PTK2: variants seen among roughly 807,000 people sequenced by gnomAD.
PTK2 encodes the protein protein tyrosine kinase 2.
PTK2 carries 45 observed loss-of-function variants against 150.1 expected under a neutral mutation model. That is an observed-to-expected ratio of 0.30 (90% CI 0.24 to 0.38). PTK2 has a LOEUF of 0.38. Among genes scored for constraint, PTK2 ranks in the 10% least tolerant of loss-of-function variants. PTK2 has a pLI of 1.00. For synonymous variants in PTK2, 432 were observed against 449.2 expected (o/e 0.96, Z 0.48); for missense variants, 919 against 1,307.3 (o/e 0.70, Z 4.58).
chr8:140,767,674 T>C (rs567840403), intron 14 of PTK2, among the ~76,000 whole-genome samples: 41 of 152,188 alleles, frequency 2.7e-4, no homozygotes, highest in Non-Finnish European at 4.9e-4. Context: ...TTTGTAGAGA[T>C]GAGGTTTTGC....
intron 4 of PTK2, among the ~76,000 whole-genome samples, chr8:140,866,552 G>A (rs1355175593): frequency 1.3e-5 from 2 of 152,152 alleles, no homozygotes; most frequent in Non-Finnish European, 2.9e-5. Context: ...ACTTCTCTGT[G>A]CCTCAATTTC....
At chr8:140,814,224 T>C (rs2100103350) in intron 10 of PTK2, among the ~76,000 whole-genome samples, 1 of 152,162 alleles carries the variant, frequency 6.6e-6, no homozygotes. Flanking sequence ...CTACCAGACG[T>C]ATACAGATGA....
At chr8:140,674,638 C>T (rs1228553617) in intron 28 of PTK2, among the ~76,000 whole-genome samples, 2 of 152,046 alleles carry the variant, frequency 1.3e-5, no homozygotes, top group Non-Finnish European at 2.9e-5. Context: ...ACTCAGGAGG[C>T]TGAGGCAGGA....
At chr8:140,793,438 G>T in intron 12 of PTK2, 54 bp from the exon 13 acceptor site, 4 of 1,583,378 alleles carry the variant, frequency 2.5e-6, no homozygotes, top group East Asian at 2.3e-5. Context: ...CTTTTGAAAA[G>T]ATGGTGCCTA....
At chr8:140,744,082 CTTTTT>C (rs5895647) in intron 19 of PTK2, among the ~76,000 whole-genome samples, 1 of 144,982 alleles carries the variant, frequency 6.9e-6, no homozygotes, top group Non-Finnish European at 1.5e-5. Flanking sequence ...CGGCCTATTT[CTTTTT>C]TTTTTTTTTG....
At chr8:140,838,410 C>T (rs1240893186) in intron 7 of PTK2, among the ~76,000 whole-genome samples, 1 of 152,238 alleles carries the variant, frequency 6.6e-6, no homozygotes, top group Non-Finnish European at 1.5e-5. Context: ...ATGCGAGTCC[C>T]TGCACATCCT....
At chr8:140,736,894 T>A (rs2100052897) in intron 21 of PTK2, among the ~76,000 whole-genome samples, 2 of 152,350 alleles carry the variant, frequency 1.3e-5, no homozygotes, top group African/African-American at 4.8e-5. Context: ...TATTTTTGCA[T>A]CTTTAGAACC....
intron 22 of PTK2, among the ~76,000 whole-genome samples, chr8:140,719,417 G>A (rs2100041536): frequency 6.6e-6 from 1 of 152,090 alleles, no homozygotes; most frequent in African/African-American, 2.4e-5. Context: ...AGGCCCAGGT[G>A]AGTCCTGGTG....
chr8:140,666,080 G>A (rs2091161019), intron 30 of PTK2, among the ~76,000 whole-genome samples: 1 of 152,232 alleles, frequency 6.6e-6, no homozygotes, highest in African/African-American at 2.4e-5. Flanking sequence ...GCTCATGCCT[G>A]TAATCCCAGG....
intron 26 of PTK2, among the ~76,000 whole-genome samples, chr8:140,688,631 G>A (rs28582918): frequency 0.011 from 1,737 of 152,204 alleles, 36 homozygotes; most frequent in African/African-American, 0.04. Flanking sequence ...GAGGTGGGGC[G>A]ATGGTTTGAG....
At chr8:140,856,416 T>A (rs569192429) in intron 5 of PTK2, among the ~76,000 whole-genome samples, 3 of 152,004 alleles carry the variant, frequency 2.0e-5, no homozygotes, top group Admixed American at 2.0e-4. Flanking sequence ...CAGATGTTCA[T>A]CAACAGAAAA....
intron 2 of PTK2, among the ~76,000 whole-genome samples, chr8:140,896,723 C>T (rs115140369): frequency 1.2e-3 from 172 of 140,710 alleles, no homozygotes; most frequent in African/African-American, 4.1e-3. Context: ...TTACCACTTG[C>T]GTACAGCATT....
In PTK2 at chr8:140,701,005, G is replaced by T. The variant is rs55799133; in HGVS notation, c.2385C>A (p.Asp795Glu). 3.9e-4 allele frequency: 623 copies of T among 1,613,852 alleles called. No individual in the cohort carries two copies. Among genetic ancestry groups the T allele is most frequent in the Non-Finnish European group, 4.9e-4 (584 of 1,179,868 alleles). The change falls in exon 26 of 32, where the codon GAC becomes GAA. Residue 795 changes from aspartate (D) to glutamate (E), a missense_variant. This residue lies in a region of PTK2 where 258 missense variants were observed against 265.4 expected (regional missense o/e 0.97). Coordinates refer to ENST00000522684, the Ensembl canonical transcript of PTK2. ...GCAACACTTGCCCAATCCCTCGCAG[G>T]TCCAATACTGTAGAGTCCTGGAAGA...
At chr8:140,899,153 A>G (rs1025192275) in intron 2 of PTK2, among the ~76,000 whole-genome samples, 2 of 152,200 alleles carry the variant, frequency 1.3e-5, no homozygotes, top group Non-Finnish European at 2.9e-5. Flanking sequence ...CCTTTTTCCA[A>G]TGTAACTTTG....
intron 26 of PTK2, among the ~76,000 whole-genome samples, chr8:140,698,835 G>A (rs981837337): frequency 4.6e-5 from 7 of 151,642 alleles, no homozygotes; most frequent in Admixed American, 1.3e-4. Flanking sequence ...GGCTGGTCTC[G>A]AACTTCTGAC....
intron 4 of PTK2, among the ~76,000 whole-genome samples, chr8:140,870,340 T>A (rs540676591): frequency 9.2e-5 from 14 of 152,258 alleles, no homozygotes; most frequent in African/African-American, 3.1e-4. Flanking sequence ...AAACACTATC[T>A]AACAAAGTTG....
chr8:140,835,765 T>C (rs908646030), intron 7 of PTK2, among the ~76,000 whole-genome samples: 2 of 152,320 alleles, frequency 1.3e-5, no homozygotes, highest in South Asian at 4.1e-4. Context: ...TGTTTCATTA[T>C]AGTGTTGATG....
intron 29 of PTK2, chr8:140,672,188 T>C (rs1436917781): frequency 4.4e-6 from 2 of 451,696 alleles, no homozygotes; most frequent in East Asian, 7.0e-5. Context: ...ATTAATCTCA[T>C]TCTGTCCCCT....
chr8:140,735,132 C>G, intron 22 of PTK2, 119 bp downstream of exon 25: 5 of 934,934 alleles, frequency 5.3e-6, no homozygotes, highest in Non-Finnish European at 8.1e-6. Context: ...TGCATTTGAA[C>G]GAAAAATAGT....
Sources: gnomAD v4.1 joint callset for allele counts (sites outside exome capture counted in the v4.1 genomes callset) on GRCh38, gnomAD v4.1.1 for gene constraint, gnomAD v4.1.1 regional missense constraint, MANE v1.5 for transcripts, NCBI Gene and HGNC (gene_info 2026-07-23, HGNC 2026-07-21) for gene names.